C8orf74: variants seen among roughly 807,000 people sequenced by gnomAD.
C8orf74 encodes the protein uncharacterized protein C8orf74.
Under a neutral mutation model 22.2 loss-of-function variants are expected in C8orf74, and 29 were observed. That is an observed-to-expected ratio of 1.31 (90% CI 0.97 to 1.78). C8orf74 has a LOEUF of 1.78. Ranked by LOEUF, C8orf74 falls within the 40% of genes most tolerant of loss-of-function variation. The pLI is 0.00. For missense variants in C8orf74, 515 were observed against 369.9 expected (o/e 1.39, Z -3.22); for synonymous variants, 255 against 163.1 (o/e 1.56, Z -4.30).
intron 2 of C8orf74, among the ~76,000 whole-genome samples, chr8:10,686,407 A>G (rs1241123888): frequency 6.6e-6 from 1 of 152,214 alleles, no homozygotes; most frequent in Non-Finnish European, 1.5e-5. Flanking sequence ...AATGCTTTAA[A>G]ACTGTAAAAT....
At chr8:10,689,925 T>A (rs2129057965) in intron 2 of C8orf74, among the ~76,000 whole-genome samples, 1 of 152,150 alleles carries the variant, frequency 6.6e-6, no homozygotes, top group Non-Finnish European at 1.5e-5. Flanking sequence ...GAAGAAAATC[T>A]ATGTGTAAGT....
intron 2 of C8orf74, among the ~76,000 whole-genome samples, chr8:10,680,843 A>T (rs1799133788): frequency 6.6e-6 from 1 of 152,012 alleles, no homozygotes; most frequent in Non-Finnish European, 1.5e-5. Flanking sequence ...GCTCTTTTCC[A>T]CCTTGCATCC....
In C8orf74 at chr8:10,700,318, A is replaced by G. The variant is rs565388774; in HGVS notation, c.732A>G (p.Thr244=). 1.7e-5 allele frequency: 28 copies of G among 1,613,820 alleles called. No homozygotes were observed. In the Admixed American group the frequency reaches 4.0e-4, roughly 23 times the overall value. Reference sequence around the variant, plus strand: ...TGCTGCAGCGCCAGATCCAGAACACATTCGCCATCTTGGACCTGAAGCTTC... The same window carrying G: ...TGCTGCAGCGCCAGATCCAGAACACGTTCGCCATCTTGGACCTGAAGCTTC... ...QELLQRQIQN[T]FAILDLKLQK... The change falls in exon 4 of 4, where the codon ACA becomes ACG. Residue 244 remains threonine (T), a synonymous_variant. Coordinates refer to ENST00000304519, the MANE Select transcript of C8orf74 (RefSeq NM_001040032.2).
chr8:10,672,860 G>C, intron 1 of C8orf74, 147 bp downstream of exon 1: 1 of 706,828 alleles, frequency 1.4e-6, no homozygotes, highest in Non-Finnish European at 2.4e-6. Flanking sequence ...ACGAGATGTG[G>C]GGCCCAAACT....
At chr8:10,690,767 C>T in intron 2 of C8orf74, 1 of 434,024 alleles carries the variant, frequency 2.3e-6, no homozygotes, top group South Asian at 1.6e-5. Context: ...CCGTTTCTGC[C>T]CTGATCGTGG....
intron 2 of C8orf74, among the ~76,000 whole-genome samples, chr8:10,680,981 G>T (rs1476015941): frequency 6.6e-6 from 1 of 151,936 alleles, no homozygotes; most frequent in Admixed American, 6.6e-5. Flanking sequence ...TTGGAAAGCG[G>T]CTTCTCCAGG....
chr8:10,685,681 T>C (rs1434609486), intron 2 of C8orf74, among the ~76,000 whole-genome samples: 1 of 152,158 alleles, frequency 6.6e-6, no homozygotes, highest in Non-Finnish European at 1.5e-5. Flanking sequence ...TATGGAGTTC[T>C]AGTTTGGGAT....
In C8orf74 at chr8:10,685,192, C is replaced by T. The variant is rs144141453; in HGVS notation, c.241+10354C>T. On this transcript the variant is annotated intron_variant, in intron 2 of 3. Transcript: ENST00000304519. Reference sequence around the variant, plus strand: ...TTAAGGGTGGACTACTGTATCTTATCAAACAAACTTAAAAGACATAGTGGA... The same window carrying T: ...TTAAGGGTGGACTACTGTATCTTATTAAACAAACTTAAAAGACATAGTGGA... Among the ~76,000 whole-genome samples the T allele has an allele frequency of 9.5e-4, 144 of 152,338 alleles. 3 individuals are homozygous for T. In the East Asian group the frequency reaches 0.022, roughly 24 times the overall value.
chr8:10,698,007 T>C lies in C8orf74; in HGVS notation c.648+2T>C, dbSNP rs758912792. 6.8e-6 allele frequency: 10 copies of C among 1,469,678 alleles called. No homozygotes were observed. In the African/African-American group the frequency reaches 1.4e-4, roughly 21 times the overall value. The allele number at this position is 1,469,678 out of a possible 1,614,324, so 91.0% of individuals were successfully genotyped here. A position where few individuals can be genotyped will look rare whatever the true frequency, so the allele number is the denominator to read the frequency against. Reference sequence around the variant, plus strand: ...CCCGGCCAGGTCCTGGAGAGACAGGTGAGGCTCTGCCCCCCTGCCGTGGGT... The same window carrying C: ...CCCGGCCAGGTCCTGGAGAGACAGGCGAGGCTCTGCCCCCCTGCCGTGGGT... On this transcript the variant is annotated splice_donor_variant, in intron 3 of 3. Coordinates refer to ENST00000304519, the MANE Select transcript of C8orf74 (RefSeq NM_001040032.2). LOFTEE classifies it high-confidence loss of function.
At chr8:10,684,763 C>T (rs983016967) in intron 2 of C8orf74, among the ~76,000 whole-genome samples, 22 of 152,306 alleles carry the variant, frequency 1.4e-4, no homozygotes, top group South Asian at 8.3e-4. Context: ...TGTTTCCTTA[C>T]GAAATCGAGA....
chr8:10,681,268 G>A (rs1011641172), intron 2 of C8orf74, among the ~76,000 whole-genome samples: 1 of 152,142 alleles, frequency 6.6e-6, no homozygotes, highest in South Asian at 2.1e-4. Flanking sequence ...AGAAGAAGGA[G>A]TCCTTTCCTT....
At chr8:10,690,087 T>C (rs994351002) in intron 2 of C8orf74, among the ~76,000 whole-genome samples, 4 of 152,198 alleles carry the variant, frequency 2.6e-5, no homozygotes, top group African/African-American at 9.7e-5. Flanking sequence ...TGGAGGTCCC[T>C]TGCAGTGTCC....
intron 2 of C8orf74, among the ~76,000 whole-genome samples, chr8:10,679,589 A>G (rs1274384028): frequency 6.6e-6 from 1 of 152,000 alleles, no homozygotes; most frequent in African/African-American, 2.4e-5. Context: ...CCTCCTGACT[A>G]AGCCTCTCCC....
chr8:10,684,434 C>G (rs370477972), intron 2 of C8orf74, among the ~76,000 whole-genome samples: 1 of 152,196 alleles, frequency 6.6e-6, no homozygotes, highest in Non-Finnish European at 1.5e-5. Context: ...GAGTCCATGA[C>G]AGTCTTTAAA....
At chr8:10,678,182 T>G (rs1799072234) in intron 2 of C8orf74, among the ~76,000 whole-genome samples, 1 of 152,108 alleles carries the variant, frequency 6.6e-6, no homozygotes, top group South Asian at 2.1e-4. Context: ...AAAATTCAGG[T>G]CTTACCTGGC....
chr8:10,687,246 A>C (rs1337493896), intron 2 of C8orf74: 2 of 387,662 alleles, frequency 5.2e-6, no homozygotes, highest in African/African-American at 2.1e-5. Context: ...CACGAGGTAG[A>C]GATTTTTATT....
rs750809103 is a variant in C8orf74 at position 10,674,765 on chromosome 8, G to C, written c.168G>C (p.Val56=). ...TCTACGAGAGCATCATCTTTGCAGT[G>C]GGCAAAGGCTTCCCATGGGTGGAGG... is the stretch of plus-strand genomic sequence containing the variant. ...DTLYESIIFA[V]GKGFPWVEVA... Residue 56 remains valine (V), a synonymous_variant, in exon 2 of 4, where the codon GTG becomes GTC. Transcript: ENST00000304519. The C allele has an allele frequency of 6.2e-7, 1 of 1,607,074 alleles. No homozygotes were observed. Among genetic ancestry groups the C allele is most frequent in the African/African-American group, 1.3e-5 (1 of 74,900 alleles).
chr8:10,698,404 C>T (rs917534820), intron 3 of C8orf74, among the ~76,000 whole-genome samples: 8 of 152,018 alleles, frequency 5.3e-5, no homozygotes, highest in African/African-American at 1.9e-4. Context: ...CCGGCATGCC[C>T]CTAGGATGGG....
chr8:10,698,570 A>C (rs1003398808), intron 3 of C8orf74, among the ~76,000 whole-genome samples: 6 of 152,024 alleles, frequency 3.9e-5, no homozygotes, highest in Admixed American at 6.6e-5. Flanking sequence ...CTGCCAGACC[A>C]CTGGGGCTCT....
Sources: allele counts gnomAD v4.1 joint callset (sites outside exome capture counted in the v4.1 genomes callset), GRCh38; gene constraint gnomAD v4.1.1; transcripts MANE v1.5; gene names NCBI Gene and HGNC (gene_info 2026-07-23, HGNC 2026-07-21).